The following VWA2 variants were observed in gnomAD, a reference collection of about 807,000 sequenced individuals.
VWA2 encodes von Willebrand factor A domain containing 2.
In VWA2, 73 loss-of-function variants were observed where a neutral mutation model predicts 70.4. That is an observed-to-expected ratio of 1.04 (90% CI 0.86 to 1.26). VWA2 has a LOEUF of 1.26. VWA2 is among the 50% of genes most tolerant of loss of function. The pLI, the probability that VWA2 is intolerant of heterozygous loss-of-function variation, is 0.00. For missense variants in VWA2, 1,011 were observed against 998.5 expected (o/e 1.01, Z -0.17); for synonymous variants, 407 against 423.3 (o/e 0.96, Z 0.47).
intron 6 of VWA2, among the ~76,000 whole-genome samples, chr10:114,275,255 G>A (rs1405158557): frequency 6.6e-6 from 1 of 152,200 alleles, no homozygotes; most frequent in Non-Finnish European, 1.5e-5. Flanking sequence ...TCCTGGAAAT[G>A]GTGATGACAT....
chr10:114,261,161 C>T lies in VWA2; in HGVS notation c.262-25C>T, dbSNP rs746932856. 7.6e-6 allele frequency: 12 copies of T among 1,571,894 alleles called. No homozygotes were observed. The African/African-American group carries it at 1.3e-4, about 18-fold the overall frequency. On this transcript the variant is annotated intron_variant, in intron 4 of 13. Coordinates refer to ENST00000392982, the MANE Select transcript of VWA2 (RefSeq NM_001272046.2). ...TGTTTTTGACTCCAGTCTCGGGGCC[C>T]TGAGCCCCCTGTCTCCTACTGCAGG...
Position 114,294,019 on chromosome 10 carries a change from G to A in VWA2, c.*2782G>A, listed in dbSNP as rs2039840714. Among the ~76,000 whole-genome samples the A allele has an allele frequency of 6.6e-6, 1 of 152,068 alleles. No individual in the cohort carries two copies. Among genetic ancestry groups the A allele is most frequent in the South Asian group, 2.1e-4 (1 of 4,820 alleles). The stretch of plus-strand genomic sequence containing the variant: ...TGTTTATTACATGTTGAGATTTATG[G>A]TATGCTTTTTCTTCCTCAAGATAAT... On this transcript the variant is annotated 3_prime_UTR_variant, in exon 14 of 14. Coordinates refer to ENST00000392982, the MANE Select transcript of VWA2 (RefSeq NM_001272046.2).
intron 9 of VWA2, among the ~76,000 whole-genome samples, chr10:114,283,667 T>A (rs67035778): frequency 0.081 from 12,299 of 152,294 alleles, 655 homozygotes; most frequent in East Asian, 0.25. Flanking sequence ...CATATAGGGT[T>A]TTTATAGTTC....
Position 114,277,975 on chromosome 10 carries a change from C to A in VWA2, c.628C>A (p.Gln210Lys), listed in dbSNP as rs1480138601. 1 of 1,612,996 alleles carries A rather than the reference C, an allele frequency of 6.2e-7. No individual in the cohort carries two copies. The highest frequency in any genetic ancestry group is 8.5e-7 in the Non-Finnish European group (1 of 1,179,756). Residue 210 changes from glutamine (Q) to lysine (K), a missense_variant, in exon 7 of 14, where the codon CAG becomes AAG. By Grantham distance (53) the Gln-to-Lys change is moderately conservative. Transcript: ENST00000392982. ...PRGQHVLLAE[Q>K]VEDATNGLFS... ...AGGGCAGCACGTGCTGTTGGCTGAG[C>A]AGGTGGAGGATGCCACCAACGGCCT...
At chr10:114,240,861 C>T (rs1168529627) in intron 1 of VWA2, among the ~76,000 whole-genome samples, 2 of 152,180 alleles carry the variant, frequency 1.3e-5, no homozygotes, top group Non-Finnish European at 2.9e-5. Flanking sequence ...GACTAGGTCC[C>T]CAGGCAAATC....
rs570723813 is a variant in VWA2 at position 114,278,821 on chromosome 10, C to A, written c.803C>A (p.Ala268Glu). The A allele has an allele frequency of 6.8e-6, 11 of 1,613,154 alleles. No individual in the cohort carries two copies. The highest frequency in any genetic ancestry group is 2.7e-5 in the African/African-American group (2 of 74,890). Residue 268 changes from alanine (A) to glutamate (E), a missense_variant, in exon 8 of 14, where the codon GCG becomes GAG. Coordinates refer to ENST00000392982, the MANE Select transcript of VWA2 (RefSeq NM_001272046.2). ...PCWRGSRRTL[A>E]VLAAHCPFYS... is the part of the protein sequence containing the mutation. Reference sequence around the variant, plus strand: ...TGGAGAGGATCGCGGCGGACCCTTGCGGTGCTGGCTGCACACTGTCCCTTC... The same window carrying A: ...TGGAGAGGATCGCGGCGGACCCTTGAGGTGCTGGCTGCACACTGTCCCTTC...
rs148361343 is a variant in VWA2, at chr10:114,272,819, C to A, written c.451C>A (p.Pro151Thr). The A allele has an allele frequency of 9.3e-6, 15 of 1,613,876 alleles. No homozygotes were observed. In the African/African-American group the frequency reaches 1.9e-4, roughly 20 times the overall value. ...GCCTGGAGGCAGAAATGCTTCTGTG[C>A]CCCAGATCCTCATCATCGTCACTGA... is the stretch of plus-strand genomic sequence containing the variant. ...GLPGGRNASV[P>T]QILIIVTDGK... The change falls in exon 6 of 14, where the codon CCC (proline) becomes ACC (threonine). Residue 151 changes from proline (P) to threonine (T), a missense_variant. Physicochemically the swap from Pro to Thr is conservative, Grantham distance 38. Coordinates refer to ENST00000392982, the MANE Select transcript of VWA2 (RefSeq NM_001272046.2).
At position 114,246,836 on chromosome 10, in the gene VWA2, A is replaced by G. The variant is rs904418228; in HGVS notation, c.-10-1868A>G. On this transcript the variant is annotated intron_variant, in intron 1 of 13. Transcript: ENST00000392982. The stretch of plus-strand genomic sequence containing the variant: ...CTCAATCTAGAGCGCTACAAGAAAT[A>G]TTTGTTTTACTGAGCACCTGGCAAT... The G allele has an allele frequency of 7.1e-6, 6 of 842,110 alleles. No homozygotes were observed. In the East Asian group the frequency reaches 7.5e-5, roughly 11 times the overall value. The allele number at this position is 842,110 out of a possible 1,614,324, so 52.2% of individuals were successfully genotyped here. A position where few individuals can be genotyped will look rare whatever the true frequency, so the allele number is the denominator to read the frequency against.
At chr10:114,259,899 A>G (rs1279730576) in intron 4 of VWA2, among the ~76,000 whole-genome samples, 1 of 152,130 alleles carries the variant, frequency 6.6e-6, no homozygotes, top group African/African-American at 2.4e-5. Flanking sequence ...TCCTCCCCAG[A>G]GCATCCTGCC....
intron 5 of VWA2, among the ~76,000 whole-genome samples, chr10:114,264,726 T>G (rs1448557116): frequency 6.6e-6 from 1 of 151,342 alleles, no homozygotes; most frequent in African/African-American, 2.4e-5. Flanking sequence ...GCCAACTTTT[T>G]TTTCTTTTTT....
At chr10:114,264,506 C>T (rs947566281) in intron 5 of VWA2, among the ~76,000 whole-genome samples, 5 of 152,002 alleles carry the variant, frequency 3.3e-5, no homozygotes, top group African/African-American at 7.3e-5. Flanking sequence ...CAAGCTCCAC[C>T]TCCTAGGTTC....
In VWA2 at chr10:114,286,285, G is replaced by A. The variant is rs1476871489; in HGVS notation, c.1344G>A (p.Val448=). The A allele has an allele frequency of 6.2e-7, 1 of 1,610,384 alleles. No homozygotes were observed. Among genetic ancestry groups the A allele is most frequent in the Admixed American group, 1.7e-5 (1 of 59,864 alleles). ...TRTGQDRPRR[V]VVLLTESHSE... The stretch of plus-strand genomic sequence containing the variant: ...CAGGCCAGGACCGGCCACGTAGAGT[G>A]GTGGTTTTGCTCACTGAGTCACACT... Residue 448 remains valine (V), a synonymous_variant, in exon 11 of 14, where the codon GTG becomes GTA. Transcript: ENST00000392982.
chr10:114,274,358 G>C (rs2037775278), intron 6 of VWA2, among the ~76,000 whole-genome samples: 1 of 152,184 alleles, frequency 6.6e-6, no homozygotes. Context: ...ATAGGGGTGG[G>C]AGAGGAAATA....
chr10:114,256,932 AT>A (rs56708820), intron 4 of VWA2, among the ~76,000 whole-genome samples: 7,889 of 143,750 alleles, frequency 0.055, 218 homozygotes, highest in African/African-American at 0.083. Context: ...AAAAAAAAAA[AT>A]TAAGAGATGA....
At chr10:114,254,279 C>T (rs559079281) in intron 3 of VWA2, among the ~76,000 whole-genome samples, 2 of 151,836 alleles carry the variant, frequency 1.3e-5, no homozygotes, top group African/African-American at 4.8e-5. Context: ...GCCATGTTAC[C>T]CAGGCTGATC....
chr10:114,264,282 A>G (rs1169531194), intron 5 of VWA2, among the ~76,000 whole-genome samples: 1 of 152,272 alleles, frequency 6.6e-6, no homozygotes, highest in Non-Finnish European at 1.5e-5. Flanking sequence ...AATGTTGTAT[A>G]TCCAAACAAT....
At chr10:114,290,470 TG>T in intron 13 of VWA2, 105 bp downstream of exon 13, 2 of 1,458,852 alleles carry the variant, frequency 1.4e-6, no homozygotes, top group Non-Finnish European at 1.8e-6. Context: ...ATTCGTTCAG[TG>T]GAAGAAATTA....
At chr10:114,281,658 C>T (rs1416793274) in intron 8 of VWA2, 2 of 847,664 alleles carry the variant, frequency 2.4e-6, no homozygotes, top group Non-Finnish European at 2.8e-6. Flanking sequence ...CTCGTGTGGA[C>T]ACTTGTTGTG....
At chr10:114,283,351 T>G (rs993889024) in intron 9 of VWA2, among the ~76,000 whole-genome samples, 1 of 145,632 alleles carries the variant, frequency 6.9e-6, no homozygotes, top group Non-Finnish European at 1.5e-5. Context: ...ACAGGCAGGG[T>G]AGCGAGCAGT....
Sources: allele counts gnomAD v4.1 joint callset (sites outside exome capture counted in the v4.1 genomes callset), GRCh38; gene constraint gnomAD v4.1.1; transcripts MANE v1.5; gene names NCBI Gene and HGNC (gene_info 2026-07-23, HGNC 2026-07-21).